Variants in SUGCT observed in about 807,000 individuals in gnomAD.
The protein encoded by SUGCT is succinyl-CoA:glutarate-CoA transferase.
Under a neutral mutation model 55.0 loss-of-function variants are expected in SUGCT, and 41 were observed. The ratio of observed to expected loss-of-function variants is 0.74; its 90% CI spans 0.58 to 0.97. SUGCT has a LOEUF of 0.97. SUGCT is among the 50% of genes least tolerant of loss of function. SUGCT has a pLI of 0.00. For synonymous variants in SUGCT, 187 were observed against 200.4 expected (o/e 0.93, Z 0.56); for missense variants, 568 against 547.8 (o/e 1.04, Z -0.37).
chr7:40,316,878 T>C (rs1475414224), intron 9 of SUGCT, 23 bp downstream of exon 9: 4 of 1,328,908 alleles, frequency 3.0e-6, no homozygotes, highest in Non-Finnish European at 4.1e-6. Context: ...CAGTCTAGGG[T>C]TGGGCTGTTG....
chr7:40,243,807 A>T (rs1357513567), intron 7 of SUGCT, among the ~76,000 whole-genome samples: 1 of 152,224 alleles, frequency 6.6e-6, no homozygotes, highest in African/African-American at 2.4e-5. Context: ...AATTTAAAAA[A>T]ACTTAATAAC....
intron 9 of SUGCT, among the ~76,000 whole-genome samples, chr7:40,365,290 A>G (rs1469474020): frequency 6.6e-6 from 1 of 152,030 alleles, no homozygotes; most frequent in Non-Finnish European, 1.5e-5. Flanking sequence ...TCTATGACAA[A>G]CCCACAGCCA....
the SUGCT span, among the ~76,000 whole-genome samples, chr7:40,914,821 G>A: frequency 6.6e-6 from 1 of 152,056 alleles, no homozygotes; most frequent in South Asian, 2.1e-4. Flanking sequence ...CTTTTAGAAG[G>A]CACAATAAAG....
At chr7:40,949,569 T>G in the SUGCT span, among the ~76,000 whole-genome samples, 1 of 152,248 alleles carries the variant, frequency 6.6e-6, no homozygotes, top group East Asian at 1.9e-4. Flanking sequence ...GGTTTTCTTC[T>G]AGGGTTTTTA....
chr7:40,968,505 A>G, the SUGCT span, among the ~76,000 whole-genome samples: 1 of 152,198 alleles, frequency 6.6e-6, no homozygotes, highest in African/African-American at 2.4e-5. Flanking sequence ...AGAGCTGAGA[A>G]ACTAATGCAG....
the SUGCT span, among the ~76,000 whole-genome samples, chr7:40,898,493 G>T: frequency 8.7e-6 from 1 of 114,902 alleles, no homozygotes; most frequent in East Asian, 3.4e-4. Context: ...GGGGGGGGGG[G>T]GGGGTGGATC....
intron 9 of SUGCT, among the ~76,000 whole-genome samples, chr7:40,331,581 C>T (rs927554410): frequency 8.8e-5 from 12 of 136,010 alleles, no homozygotes; most frequent in Admixed American, 1.6e-4. Flanking sequence ...ACTACACGAG[C>T]TCAGAGACCG....
chr7:40,641,471 G>A (rs1427780809), intron 12 of SUGCT, among the ~76,000 whole-genome samples: 1 of 152,132 alleles, frequency 6.6e-6, no homozygotes, highest in Non-Finnish European at 1.5e-5. Flanking sequence ...TGACAAGAGG[G>A]CACTCTTGGG....
intron 7 of SUGCT, among the ~76,000 whole-genome samples, chr7:40,253,923 T>A (rs1294350382): frequency 6.6e-6 from 1 of 152,236 alleles, no homozygotes; most frequent in Non-Finnish European, 1.5e-5. Context: ...ACAACTTACT[T>A]GTTGGTTGAC....
intron 12 of SUGCT, among the ~76,000 whole-genome samples, chr7:40,525,405 T>TAAAA (rs1169069241): frequency 6.6e-6 from 1 of 152,152 alleles, no homozygotes; most frequent in Non-Finnish European, 1.5e-5. Flanking sequence ...ACCCTGTCAG[T>TAAAA]AATGAAGTAT....
At chr7:40,582,134 C>T (rs919150233) in intron 12 of SUGCT, among the ~76,000 whole-genome samples, 1 of 152,030 alleles carries the variant, frequency 6.6e-6, no homozygotes, top group African/African-American at 2.4e-5. Flanking sequence ...GGAAAAGTCA[C>T]CGAGAGAGAT....
intron 9 of SUGCT, among the ~76,000 whole-genome samples, chr7:40,366,611 A>C (rs1783988243): frequency 6.6e-6 from 1 of 152,248 alleles, no homozygotes. Context: ...GAAGGATATG[A>C]ACAGACACTT....
intron 13 of SUGCT, among the ~76,000 whole-genome samples, chr7:40,844,123 T>C (rs1793431913): frequency 6.6e-6 from 1 of 152,134 alleles, no homozygotes; most frequent in South Asian, 2.1e-4. Context: ...CATGTTACAA[T>C]GCTTTTTTAG....
At chr7:40,535,515 A>G (rs1794312738) in intron 12 of SUGCT, among the ~76,000 whole-genome samples, 2 of 152,234 alleles carry the variant, frequency 1.3e-5, no homozygotes, top group Non-Finnish European at 1.5e-5. Flanking sequence ...CAGAACTGCC[A>G]TTCAGCCCAG....
downstream of SUGCT, among the ~76,000 whole-genome samples, chr7:40,863,239 A>G (rs1427344120): frequency 1.3e-5 from 2 of 152,086 alleles, no homozygotes; most frequent in Non-Finnish European, 2.9e-5. Flanking sequence ...ATCTCAAAAC[A>G]AAGAGGATTT....
intron 12 of SUGCT, among the ~76,000 whole-genome samples, chr7:40,665,277 A>G (rs1455071010): frequency 6.6e-6 from 1 of 151,526 alleles, no homozygotes; most frequent in Non-Finnish European, 1.5e-5. Flanking sequence ...TGTCGCTACT[A>G]AAAATACAAA....
chr7:41,000,567 A>T, the SUGCT span, among the ~76,000 whole-genome samples: 6 of 151,894 alleles, frequency 4.0e-5, no homozygotes, highest in Non-Finnish European at 5.9e-5. Context: ...CATTTTTCTT[A>T]AAGATGCTAT....
intron 9 of SUGCT, among the ~76,000 whole-genome samples, chr7:40,334,745 T>G (rs1170616680): frequency 1.3e-5 from 2 of 152,258 alleles, no homozygotes; most frequent in African/African-American, 4.8e-5. Flanking sequence ...GCGCGGAAGC[T>G]CTTTTGTTTA....
chr7:40,920,844 T>C, the SUGCT span, among the ~76,000 whole-genome samples: 2 of 152,190 alleles, frequency 1.3e-5, no homozygotes, highest in African/African-American at 4.8e-5. Context: ...AAGTTTAAGG[T>C]TTAAATACTT....
Sources: gnomAD v4.1 joint callset for allele counts (sites outside exome capture counted in the v4.1 genomes callset) on GRCh38, gnomAD v4.1.1 for gene constraint, MANE v1.5 for transcripts, NCBI Gene and HGNC (gene_info 2026-07-23, HGNC 2026-07-21) for gene names.